The following SIK2 variants were observed in gnomAD, a reference collection of about 807,000 sequenced individuals.
The protein encoded by SIK2 is serine/threonine-protein kinase SIK2.
Under a neutral mutation model 103.2 loss-of-function variants are expected in SIK2, and 29 were observed. That is an observed-to-expected ratio of 0.28 (90% CI 0.21 to 0.38). SIK2 has a LOEUF of 0.38. Ranked by LOEUF, SIK2 falls within the 10% of genes least tolerant of loss-of-function variation. The probability of loss-of-function intolerance (pLI) is 1.00; values close to 1 mark genes in which losing one functional copy is unlikely to be tolerated. For missense variants in SIK2, 879 were observed against 1,171.0 expected, an observed-to-expected ratio of 0.75 and a Z score of 3.64; for synonymous variants, 412 against 446.1, an observed-to-expected ratio of 0.92 and a Z score of 0.96.
chr11:111,627,156 G>A (rs556940458), intron 3 of SIK2, among the ~76,000 whole-genome samples: 38 of 152,202 alleles, frequency 2.5e-4, no homozygotes, highest in Non-Finnish European at 3.8e-4. Flanking sequence ...GCACAAGCAC[G>A]GAATGGTCTG....
intron 8 of SIK2, among the ~76,000 whole-genome samples, chr11:111,709,249 C>T (rs559243060): frequency 6.6e-6 from 1 of 152,240 alleles, no homozygotes; most frequent in South Asian, 2.1e-4. Context: ...GGTGTCTCTC[C>T]CTCCTCTTAT....
chr11:111,622,095 A>G (rs548993246), intron 3 of SIK2, among the ~76,000 whole-genome samples: 48 of 152,044 alleles, frequency 3.2e-4, no homozygotes, highest in Non-Finnish European at 5.7e-4. Context: ...CAGTGTAGCT[A>G]CCTTTTTCTT....
At chr11:111,664,566 A>C (rs1052960799) in intron 3 of SIK2, among the ~76,000 whole-genome samples, 6 of 152,208 alleles carry the variant, frequency 3.9e-5, no homozygotes, top group Non-Finnish European at 7.3e-5. Flanking sequence ...CAGTGAGCCA[A>C]GATCGCGCCA....
intron 3 of SIK2, among the ~76,000 whole-genome samples, chr11:111,687,033 CATTT>C (rs1942855309): frequency 6.6e-6 from 1 of 152,112 alleles, no homozygotes; most frequent in Non-Finnish European, 1.5e-5. Context: ...TCAGAGAATT[CATTT>C]ATTTCCTCTG....
intron 3 of SIK2, among the ~76,000 whole-genome samples, chr11:111,670,752 A>G (rs893300942): frequency 6.6e-6 from 1 of 152,206 alleles, no homozygotes; most frequent in Admixed American, 6.5e-5. Context: ...TATTTTGGAA[A>G]AAAATAATTG....
At chr11:111,695,946 G>A (rs1943061481) in intron 4 of SIK2, among the ~76,000 whole-genome samples, 1 of 152,134 alleles carries the variant, frequency 6.6e-6, no homozygotes, top group African/African-American at 2.4e-5. Flanking sequence ...GACCATATAG[G>A]TCAGTCAGTC....
intron 3 of SIK2, among the ~76,000 whole-genome samples, chr11:111,645,077 A>G (rs1942237804): frequency 6.6e-6 from 1 of 152,248 alleles, no homozygotes; most frequent in Non-Finnish European, 1.5e-5. Flanking sequence ...TTAAACAAGT[A>G]AACATAAGCA....
chr11:111,708,314 A>G (rs536667182), intron 8 of SIK2, among the ~76,000 whole-genome samples: 3 of 152,236 alleles, frequency 2.0e-5, no homozygotes, highest in Non-Finnish European at 4.4e-5. Context: ...CCCAGGAGAC[A>G]GAGGTTGCAG....
chr11:111,651,585 TA>T (rs1391154120), intron 3 of SIK2, among the ~76,000 whole-genome samples: 2 of 152,092 alleles, frequency 1.3e-5, no homozygotes, highest in Non-Finnish European at 2.9e-5. Flanking sequence ...ATGCAGGGCT[TA>T]ATACCTAGGT....
chr11:111,712,122 C>A, intron 8 of SIK2, 89 bp from the exon 9 acceptor site: 1 of 1,299,740 alleles, frequency 7.7e-7, no homozygotes, highest in Non-Finnish European at 1.1e-6. Flanking sequence ...TTAATTGCCA[C>A]AGGAAGAATT....
At position 111,715,754 on chromosome 11, in the gene SIK2, A is replaced by G. The variant is rs74591588; in HGVS notation, c.1266+3379A>G. On this transcript the variant is annotated intron_variant, in intron 9 of 14. Coordinates refer to ENST00000304987, the MANE Select transcript of SIK2 (RefSeq NM_015191.3). ...GTATCTCTTTTTAATAAGGAATTTT[A>G]TATACATACATATACACGCACACTT... Among the ~76,000 whole-genome samples, 1,107 of 143,534 alleles carry G rather than the reference A, an allele frequency of 7.7e-3. 8 individuals carry two copies. The highest frequency in any genetic ancestry group is 0.064 in the Middle Eastern group (17 of 266). The allele number at this position is 143,534 out of a possible 152,430, so 94.2% of individuals were successfully genotyped here. A position where few individuals can be genotyped will look rare whatever the true frequency, so the allele number is the denominator to read the frequency against.
intron 3 of SIK2, among the ~76,000 whole-genome samples, chr11:111,657,411 A>G (rs949348098): frequency 6.6e-6 from 1 of 152,070 alleles, no homozygotes; most frequent in Non-Finnish European, 1.5e-5. Flanking sequence ...TGTTTTTGAG[A>G]CAGGGTCTCA....
chr11:111,624,046 A>G (rs1207400496), intron 3 of SIK2, among the ~76,000 whole-genome samples: 1 of 152,080 alleles, frequency 6.6e-6, no homozygotes, highest in African/African-American at 2.4e-5. Context: ...CCATTCTCTC[A>G]TGTATTTTGT....
chr11:111,706,436 G>A (rs1943347577), intron 8 of SIK2, among the ~76,000 whole-genome samples: 1 of 152,044 alleles, frequency 6.6e-6, no homozygotes, highest in Non-Finnish European at 1.5e-5. Context: ...TGAATGGTTG[G>A]TTAGTATGCT....
intron 3 of SIK2, among the ~76,000 whole-genome samples, chr11:111,644,150 A>G (rs1942221110): frequency 6.6e-6 from 1 of 151,764 alleles, no homozygotes; most frequent in South Asian, 2.1e-4. Context: ...TTAGCCGGGC[A>G]TGGTGACTTG....
At chr11:111,619,449 C>T (rs1941852690) in intron 2 of SIK2, among the ~76,000 whole-genome samples, 1 of 151,902 alleles carries the variant, frequency 6.6e-6, no homozygotes, top group Admixed American at 6.6e-5. Flanking sequence ...ATACAAGCAG[C>T]TCTCCCACCT....
rs1164405153 is a variant in SIK2 at position 111,727,346 on chromosome 11, A to G, written c.*3217A>G. 4 of 463,856 alleles carry G rather than the reference A, an allele frequency of 8.6e-6. No individual in the cohort carries two copies. Among genetic ancestry groups the G allele is most frequent in the African/African-American group, 7.7e-5 (4 of 52,036 alleles). The allele number at this position is 463,856 out of a possible 1,614,324, so 28.7% of individuals were successfully genotyped here. ...CACTTTTGCCTCCTAGGAAAGAAAA[A>G]GTCAGTGGCCCTTTCTTCCTCAGAT... On this transcript the variant is annotated 3_prime_UTR_variant, in exon 15 of 15. Coordinates refer to ENST00000304987, the MANE Select transcript of SIK2 (RefSeq NM_015191.3).
At chr11:111,609,549 T>C (rs116681288) in intron 1 of SIK2, among the ~76,000 whole-genome samples, 1,633 of 152,344 alleles carry the variant, frequency 0.011, 31 homozygotes, top group African/African-American at 0.036. Flanking sequence ...CTTGAACTCC[T>C]TGGCTCAAAC....
rs1378584805 is a variant in SIK2, at chr11:111,726,079, CTGTTT to C, written c.*1953_*1957del. On this transcript the variant is annotated 3_prime_UTR_variant, in exon 15 of 15. Coordinates refer to ENST00000304987, the MANE Select transcript of SIK2 (RefSeq NM_015191.3). Reference sequence around the variant, plus strand: ...AGATCATTTCATTAAGATCTCTAATCTGTTTTGAGTCTTTACAAAATAGCCAGTTA... The same window carrying C: ...AGATCATTTCATTAAGATCTCTAATCTGAGTCTTTACAAAATAGCCAGTTA... The C allele has an allele frequency of 6.6e-6, 1 of 152,170 alleles. No individual in the cohort carries two copies. Among genetic ancestry groups the C allele is most frequent in the Non-Finnish European group, 1.5e-5 (1 of 68,026 alleles). The allele number at this position is 152,170 out of a possible 1,614,324, so 9.4% of individuals were successfully genotyped here.
Sources: gnomAD v4.1 joint callset for allele counts (sites outside exome capture counted in the v4.1 genomes callset) on GRCh38, gnomAD v4.1.1 for gene constraint, MANE v1.5 for transcripts, NCBI Gene and HGNC (gene_info 2026-07-23, HGNC 2026-07-21) for gene names.